The following COL14A1 variants were observed in gnomAD, a reference collection of about 807,000 sequenced individuals.
The protein encoded by COL14A1 is collagen type XIV alpha 1 chain.
COL14A1 carries 136 observed loss-of-function variants against 230.3 expected under a neutral mutation model. That is an observed-to-expected ratio of 0.59 (90% CI 0.51 to 0.68). The LOEUF is 0.68. Among genes scored for constraint, COL14A1 ranks in the 30% least tolerant of loss-of-function variants. The pLI is 0.00. For missense variants in COL14A1, 1,976 were observed against 2,215.8 expected (o/e 0.89, Z 2.17); for synonymous variants, 792 against 784.1 (o/e 1.01, Z -0.17).
At chr8:120,136,160 G>A (rs962084927) in intron 1 of COL14A1, among the ~76,000 whole-genome samples, 9 of 152,024 alleles carry the variant, frequency 5.9e-5, no homozygotes, top group African/African-American at 1.9e-4. Context: ...ACTAGTAATA[G>A]TTAACATCCC....
chr8:120,137,655 T>C (rs1814758525), intron 1 of COL14A1, among the ~76,000 whole-genome samples: 1 of 152,170 alleles, frequency 6.6e-6, no homozygotes, highest in African/African-American at 2.4e-5. Flanking sequence ...GTACCTTTAT[T>C]TTCATTCCCT....
At chr8:120,347,608 C>T (rs1822567322) in intron 45 of COL14A1, among the ~76,000 whole-genome samples, 1 of 152,142 alleles carries the variant, frequency 6.6e-6, no homozygotes. Context: ...GAGGAAAGGC[C>T]TGTCTTTCCA....
chr8:120,172,686 C>T (rs182467657), intron 5 of COL14A1, among the ~76,000 whole-genome samples: 171 of 151,704 alleles, frequency 1.1e-3, no homozygotes, highest in African/African-American at 3.9e-3. Context: ...AGACAGTTTT[C>T]CCCCCACACA....
chr8:120,264,077 C>T (rs773086257), intron 24 of COL14A1, among the ~76,000 whole-genome samples: 9 of 152,198 alleles, frequency 5.9e-5, no homozygotes, highest in South Asian at 2.1e-4. Flanking sequence ...AATTTCAGGA[C>T]GTTTCCATCA....
chr8:120,346,706 G>T lies in COL14A1; in HGVS notation c.5077+1143G>T, dbSNP rs149374895. 3.6e-3 allele frequency among the ~76,000 whole-genome samples: 554 copies of T among 152,150 alleles called. 3 individuals carry two copies. Among genetic ancestry groups the T allele is most frequent in the African/African-American group, 0.013 (533 of 41,510 alleles). On this transcript the variant is annotated intron_variant, in intron 45 of 47. Coordinates refer to ENST00000297848, the MANE Select transcript of COL14A1 (RefSeq NM_021110.4). ...GCTCAGCTGTCTTATGCATGAAATT[G>T]TTATTGATCACCCCAGAACCCAAAT...
intron 26 of COL14A1, among the ~76,000 whole-genome samples, chr8:120,272,769 C>T (rs1819710099): frequency 6.6e-6 from 1 of 151,720 alleles, no homozygotes; most frequent in South Asian, 2.1e-4. Context: ...TTTATATGGA[C>T]TTAACTCTGG....
chr8:120,246,132 TA>T (rs1818753805), intron 20 of COL14A1, among the ~76,000 whole-genome samples: 1 of 152,128 alleles, frequency 6.6e-6, no homozygotes, highest in Admixed American at 6.5e-5. Flanking sequence ...CGAAAATCAT[TA>T]AAATTCTGAA....
At chr8:120,319,606 G>A (rs1821365014) in intron 40 of COL14A1, among the ~76,000 whole-genome samples, 1 of 152,192 alleles carries the variant, frequency 6.6e-6, no homozygotes, top group Admixed American at 6.5e-5. Context: ...CCTGAATTTA[G>A]CCTAGAAGGA....
chr8:120,193,827 C>T (rs576513790), intron 5 of COL14A1, among the ~76,000 whole-genome samples: 56 of 152,202 alleles, frequency 3.7e-4, no homozygotes, highest in Non-Finnish European at 7.3e-4. Context: ...ATCAGCGAGA[C>T]TCTGTGGGCG....
At chr8:120,255,426 A>G (rs1819113648) in intron 23 of COL14A1, 70 bp downstream of exon 23, 14 of 1,140,624 alleles carry the variant, frequency 1.2e-5, no homozygotes, top group Non-Finnish European at 1.9e-5. Flanking sequence ...ACCACTGTGT[A>G]CAACACACAA....
chr8:120,141,666 AT>A (rs1814916442), intron 1 of COL14A1, among the ~76,000 whole-genome samples: 1 of 152,234 alleles, frequency 6.6e-6, no homozygotes, highest in Non-Finnish European at 1.5e-5. Context: ...CATAGCATTT[AT>A]TTAGTTAGTT....
At chr8:120,323,465 G>A (rs1821535343) in intron 40 of COL14A1, among the ~76,000 whole-genome samples, 1 of 152,114 alleles carries the variant, frequency 6.6e-6, no homozygotes, top group East Asian at 1.9e-4. Context: ...AATTGCTTTT[G>A]GCATCTTTGT....
At chr8:120,337,070 G>C (rs957219747) in intron 42 of COL14A1, among the ~76,000 whole-genome samples, 1 of 152,124 alleles carries the variant, frequency 6.6e-6, no homozygotes, top group African/African-American at 2.4e-5. Flanking sequence ...CTAACACATA[G>C]AGAGTACTTA....
chr8:120,143,268 A>G (rs901774551), intron 1 of COL14A1, among the ~76,000 whole-genome samples: 1 of 152,222 alleles, frequency 6.6e-6, no homozygotes, highest in African/African-American at 2.4e-5. Context: ...CTAGTGCAGT[A>G]TCTCTCAAAA....
At chr8:120,195,603 AG>A (rs1182300468) in intron 5 of COL14A1, among the ~76,000 whole-genome samples, 5 of 152,200 alleles carry the variant, frequency 3.3e-5, no homozygotes, top group Non-Finnish European at 5.9e-5. Context: ...ATGGCTGGGG[AG>A]GCTTCACAAT....
In COL14A1 at chr8:120,372,929, G is replaced by T. The variant is rs775357224; in HGVS notation, c.*1698G>T. ...TCAGCAGCCATTTCCTTTCAGTTAT[G>T]GTATATGATTCTGCCTGAGAAAGCA... On this transcript the variant is annotated 3_prime_UTR_variant, in exon 48 of 48. Transcript: ENST00000297848. Among the ~76,000 whole-genome samples the T allele has an allele frequency of 3.9e-5, 6 of 152,042 alleles. No individual in the cohort carries two copies. The highest frequency in any genetic ancestry group is 7.2e-5 in the African/African-American group (3 of 41,382).
At chr8:120,141,769 A>G (rs1243022980) in intron 1 of COL14A1, among the ~76,000 whole-genome samples, 2 of 152,230 alleles carry the variant, frequency 1.3e-5, no homozygotes, top group African/African-American at 2.4e-5. Flanking sequence ...TGATGAGAAT[A>G]GAGAAAGGCT....
intron 1 of COL14A1, among the ~76,000 whole-genome samples, chr8:120,135,265 C>CT (rs200340490): frequency 8.0e-5 from 12 of 150,070 alleles, no homozygotes; most frequent in Admixed American, 1.3e-4. Flanking sequence ...TGCATTAATA[C>CT]TTTTTTTTTT....
rs149099516 is a variant in COL14A1, at chr8:120,312,915, G to T, written c.4456-1017G>T. Reference sequence around the variant, plus strand: ...AAGAATAGCTTTAGTTGAAGTCACAGAACGAGACAGAAGAGACTGAGGATA... The same window carrying T: ...AAGAATAGCTTTAGTTGAAGTCACATAACGAGACAGAAGAGACTGAGGATA... On this transcript the variant is annotated intron_variant, in intron 37 of 47. Coordinates refer to ENST00000297848, the MANE Select transcript of COL14A1 (RefSeq NM_021110.4). Among the ~76,000 whole-genome samples the T allele has an allele frequency of 9.0e-3, 1,376 of 152,306 alleles. 13 individuals are homozygous for T. The highest frequency in any genetic ancestry group is 0.037 in the Middle Eastern group (11 of 294).
Sources: gnomAD v4.1 joint callset for allele counts (sites outside exome capture counted in the v4.1 genomes callset) on GRCh38, gnomAD v4.1.1 for gene constraint, MANE v1.5 for transcripts, NCBI Gene and HGNC (gene_info 2026-07-23, HGNC 2026-07-21) for gene names.